Variants in NDUFA12 observed in about 807,000 individuals in gnomAD.
NDUFA12 encodes NADH dehydrogenase [ubiquinone] 1 alpha subcomplex subunit 12.
Under a neutral mutation model 20.3 loss-of-function variants are expected in NDUFA12, and 17 were observed. The ratio of observed to expected loss-of-function variants is 0.84; its 90% confidence interval spans 0.57 to 1.26. The LOEUF (loss-of-function observed/expected upper bound fraction) is 1.26, where lower values mean the gene tolerates loss of function less well. NDUFA12 is among the 50% of genes most tolerant of loss of function. The probability of loss-of-function intolerance (pLI) is 0.00; values close to 1 mark genes in which losing one functional copy is unlikely to be tolerated. For synonymous variants in NDUFA12, 72 were observed against 63.6 expected (o/e 1.13, Z -0.63); for missense variants, 191 against 183.7 (o/e 1.04, Z -0.23).
In NDUFA12 at chr12:95,003,584, T is replaced by TG; in HGVS notation, c.86+10dup. On this transcript the variant is annotated intron_variant, in intron 1 of 3. Coordinates refer to ENST00000327772, the MANE Select transcript of NDUFA12 (RefSeq NM_018838.5). Reference sequence around the variant, plus strand: ...GCCCCAGAGGCCAAGAGCATGGCTCTGGCCGCCTACCTGAAAAAAACCCGT... The same window carrying TG: ...GCCCCAGAGGCCAAGAGCATGGCTCTGGGCCGCCTACCTGAAAAAAACCCGT... The TG allele has an allele frequency of 6.2e-7, 1 of 1,613,966 alleles. No individual in the cohort carries two copies. Among genetic ancestry groups the TG allele is most frequent in the African/African-American group, 1.3e-5 (1 of 74,940 alleles).
chr12:94,979,667 TA>T (rs34412426), intron 3 of NDUFA12, among the ~76,000 whole-genome samples: 39,324 of 146,394 alleles, frequency 0.27, 5,397 homozygotes, highest in Non-Finnish European at 0.26. Context: ...CCCACCCCTA[TA>T]AAAAAAAAAA....
chr12:95,002,876 T>C (rs1327970350), intron 1 of NDUFA12, 55 bp from the exon 2 acceptor site: 6 of 1,469,618 alleles, frequency 4.1e-6, no homozygotes, highest in African/African-American at 2.8e-5. Context: ...GTTCAAAACA[T>C]AAACGGAAAT....
At chr12:94,994,429 G>A (rs1874752950) in intron 2 of NDUFA12, 172 bp from the exon 3 acceptor site, 2 of 582,722 alleles carry the variant, frequency 3.4e-6, no homozygotes, top group Non-Finnish European at 6.0e-6. Flanking sequence ...GCTCCAGGAG[G>A]TGTGTGGCAA....
At chr12:94,984,852 C>G (rs1193054362) in intron 3 of NDUFA12, among the ~76,000 whole-genome samples, 1 of 151,040 alleles carries the variant, frequency 6.6e-6, no homozygotes, top group Non-Finnish European at 1.5e-5. Flanking sequence ...GCAGCGCACG[C>G]CTGTAATCCC....
At chr12:94,986,385 G>C (rs1874443938) in intron 3 of NDUFA12, among the ~76,000 whole-genome samples, 1 of 152,186 alleles carries the variant, frequency 6.6e-6, no homozygotes, top group Middle Eastern at 3.4e-3. Context: ...CTACTGCACA[G>C]AATGGTGACT....
intron 2 of NDUFA12, among the ~76,000 whole-genome samples, chr12:94,999,698 AAACAGTCAAC>A (rs1335535139): frequency 2.0e-5 from 3 of 151,764 alleles, no homozygotes; most frequent in Non-Finnish European, 2.9e-5. Flanking sequence ...GAAGATATAC[AAACAGTCAAC>A]AAACCTATGA....
At chr12:94,974,415 C>T (rs1186863383) in intron 3 of NDUFA12, among the ~76,000 whole-genome samples, 1 of 152,092 alleles carries the variant, frequency 6.6e-6, no homozygotes, top group East Asian at 1.9e-4. Context: ...GTTAGTACAA[C>T]CATTATAGAG....
chr12:94,994,256 G>C lies in NDUFA12; in HGVS notation c.171C>G (p.Gly57=). 1 of 1,613,588 alleles carries C rather than the reference G, an allele frequency of 6.2e-7. No individual in the cohort carries two copies. Among genetic ancestry groups the C allele is most frequent in the East Asian group, 2.2e-5 (1 of 44,876 alleles). The change falls in exon 3 of 4, where the codon GGC becomes GGG. Residue 57 remains glycine (G), a splice_region_variant and synonymous_variant. Transcript: ENST00000327772. The stretch of plus-strand genomic sequence containing the variant: ...TAGTATATACAACCCATCGGTGACG[G>C]CCTGGGTGGGAAGATGAACATTTAA... ...KYYEDNKQFF[G]RHRWVVYTTE... is the part of the protein sequence containing the mutation.
chr12:94,971,684 T>TA, intron 3 of NDUFA12, 64 bp from the exon 4 acceptor site: 1 of 1,568,686 alleles, frequency 6.4e-7, no homozygotes, highest in Non-Finnish European at 8.8e-7. Flanking sequence ...GAAGGACGGT[T>TA]AAAAACGTAG....
chr12:94,994,291 C>CG, intron 2 of NDUFA12, 34 bp from the exon 3 acceptor site: 1 of 1,478,650 alleles, frequency 6.8e-7, no homozygotes, highest in Non-Finnish European at 9.3e-7. Context: ...AAAAGAAAAA[C>CG]TTTTTTTTTT....
intron 2 of NDUFA12, among the ~76,000 whole-genome samples, chr12:94,995,637 G>A (rs917175218): frequency 1.3e-5 from 2 of 151,572 alleles, no homozygotes; most frequent in East Asian, 2.0e-4. Flanking sequence ...GGGTTCAAGC[G>A]ATTCTCCTGC....
chr12:94,986,609 C>A (rs2136065373), intron 3 of NDUFA12, among the ~76,000 whole-genome samples: 1 of 141,006 alleles, frequency 7.1e-6, no homozygotes, highest in Admixed American at 7.4e-5. Flanking sequence ...TTAGCCTGGG[C>A]AACACTGTGA....
In NDUFA12 at chr12:94,994,238, T is replaced by C. The variant is rs570041029; in HGVS notation, c.189A>G (p.Val63=). The C allele has an allele frequency of 5.8e-5, 93 of 1,614,156 alleles. No homozygotes were observed. The Middle Eastern group carries it at 8.3e-4, about 14-fold the overall frequency. Residue 63 remains valine, a synonymous_variant, in exon 3 of 4, where the codon GTA becomes GTG. Transcript: ENST00000327772. ...TTTTGCCATTCATTTCAGTAGTATATACAACCCATCGGTGACGGCCTGGGT... is the reference window on the plus strand; with the variant it reads ...TTTTGCCATTCATTTCAGTAGTATACACAACCCATCGGTGACGGCCTGGGT... ...KQFFGRHRWV[V]YTTEMNGKNT...
At chr12:94,972,084 C>T (rs1174427375) in intron 3 of NDUFA12, among the ~76,000 whole-genome samples, 1 of 152,052 alleles carries the variant, frequency 6.6e-6, no homozygotes, top group Non-Finnish European at 1.5e-5. Flanking sequence ...CACCACCATG[C>T]CTGGCTGACT....
intron 2 of NDUFA12, among the ~76,000 whole-genome samples, chr12:94,995,014 C>T (rs947217818): frequency 2.0e-5 from 3 of 152,180 alleles, no homozygotes; most frequent in Non-Finnish European, 2.9e-5. Flanking sequence ...ACATCACATA[C>T]ATTCACCTAG....
At chr12:94,990,664 C>T (rs1380062651) in intron 3 of NDUFA12, among the ~76,000 whole-genome samples, 2 of 152,170 alleles carry the variant, frequency 1.3e-5, no homozygotes. Context: ...CTTCTGGCCT[C>T]AAGCGAGCCT....
intron 2 of NDUFA12, among the ~76,000 whole-genome samples, chr12:94,995,984 G>C (rs897150033): frequency 6.6e-6 from 1 of 151,842 alleles, no homozygotes; most frequent in Non-Finnish European, 1.5e-5. Flanking sequence ...GAGGCAGGGG[G>C]ATCACTTGAG....
At chr12:95,002,357 G>A (rs1875071668) in intron 2 of NDUFA12, among the ~76,000 whole-genome samples, 1 of 139,112 alleles carries the variant, frequency 7.2e-6, no homozygotes, top group Admixed American at 8.0e-5. Context: ...CAGGAGAATC[G>A]CTGGAACCCA....
intron 3 of NDUFA12, among the ~76,000 whole-genome samples, chr12:94,972,806 G>T (rs1339997426): frequency 1.3e-5 from 2 of 152,146 alleles, no homozygotes; most frequent in Non-Finnish European, 2.9e-5. Context: ...GATACCTGGA[G>T]TTGAAAGGGA....
Sources: allele counts gnomAD v4.1 joint callset (sites outside exome capture counted in the v4.1 genomes callset), GRCh38; gene constraint gnomAD v4.1.1; transcripts MANE v1.5; gene names NCBI Gene and HGNC (gene_info 2026-07-23, HGNC 2026-07-21).